ACTL8: variants seen among roughly 807,000 people sequenced by gnomAD.
The protein encoded by ACTL8 is actin-like protein 8.
In ACTL8, 3 loss-of-function variants were observed where a neutral mutation model predicts 9.3. That is an observed-to-expected ratio of 0.32 (90% CI 0.15 to 0.83). The LOEUF is 0.83. Ranked by LOEUF, ACTL8 falls within the 40% of genes least tolerant of loss-of-function variation. ACTL8 has a pLI of 0.57. For synonymous variants in ACTL8, 224 were observed against 205.9 expected, an observed-to-expected ratio of 1.09 and a Z score of -0.75; for missense variants, 381 against 492.2, an observed-to-expected ratio of 0.77 and a Z score of 2.14.
intron 1 of ACTL8, among the ~76,000 whole-genome samples, chr1:17,812,666 G>T (rs1353195425): frequency 6.7e-6 from 1 of 148,296 alleles, no homozygotes; most frequent in South Asian, 2.1e-4. Flanking sequence ...TCATGAACTT[G>T]TATTTTAGTA....
At position 17,823,456 on chromosome 1, in the gene ACTL8, T is replaced by C; in HGVS notation, c.348+100T>C. On this transcript the variant is annotated intron_variant, in intron 2 of 2. Transcript: ENST00000375406. The surrounding 1 kb of genome is among the most constrained non-coding windows in gnomAD (Gnocchi z 5.3). ...CAGGAATTCTGCTTTTTAAGATAAA[T>C]TGCCAACCAGGTGTGGTGGCTTATG... 2 of 1,216,326 alleles carry C rather than the reference T, an allele frequency of 1.6e-6. No individual in the cohort carries two copies. The highest frequency in any genetic ancestry group is 2.3e-6 in the Non-Finnish European group (2 of 887,810). The allele number at this position is 1,216,326 out of a possible 1,614,324, so 75.3% of individuals were successfully genotyped here.
At chr1:17,785,716 CT>C (rs1444114232) in intron 1 of ACTL8, among the ~76,000 whole-genome samples, 1 of 152,150 alleles carries the variant, frequency 6.6e-6, no homozygotes, top group Non-Finnish European at 1.5e-5. Flanking sequence ...TTATTAGTAT[CT>C]TTTTTTCACT....
intron 1 of ACTL8, among the ~76,000 whole-genome samples, chr1:17,795,318 G>T (rs573860465): frequency 6.6e-6 from 1 of 152,184 alleles, no homozygotes; most frequent in Non-Finnish European, 1.5e-5. Context: ...TTTCAGGACC[G>T]GCCTAGCTTC....
intron 1 of ACTL8, among the ~76,000 whole-genome samples, chr1:17,776,290 A>G (rs1475930085): frequency 6.6e-6 from 1 of 152,172 alleles, no homozygotes; most frequent in Non-Finnish European, 1.5e-5. Flanking sequence ...GAGAGGACCT[A>G]GAAGACAGTC....
At chr1:17,783,335 G>A (rs1376467300) in intron 1 of ACTL8, among the ~76,000 whole-genome samples, 1 of 139,204 alleles carries the variant, frequency 7.2e-6, no homozygotes, top group Non-Finnish European at 1.5e-5. Flanking sequence ...AAAAAGAGGA[G>A]TTTTTTTTTT....
At chr1:17,773,678 T>C (rs1055845263) in intron 1 of ACTL8, among the ~76,000 whole-genome samples, 26 of 152,166 alleles carry the variant, frequency 1.7e-4, no homozygotes, top group African/African-American at 5.6e-4. Context: ...GCTCTCCCCT[T>C]AGCTGTGTGA....
At chr1:17,804,981 C>T (rs546827447) in intron 1 of ACTL8, among the ~76,000 whole-genome samples, 1 of 152,182 alleles carries the variant, frequency 6.6e-6, no homozygotes, top group South Asian at 2.1e-4. Flanking sequence ...CAGACGGGAC[C>T]CACCTCCTCT....
In ACTL8 at chr1:17,823,504, AC is replaced by A; in HGVS notation, c.348+149del. ...ATGCCTGTAATCCCAACACTTTGGG[AC>A]TCCCAGGCAGGCAGATTGCTTGAGC... On this transcript the variant is annotated intron_variant, in intron 2 of 2. Transcript: ENST00000375406. The surrounding 1 kb of genome is among the most constrained non-coding windows in gnomAD (Gnocchi z 5.3). 1 of 768,292 alleles carries A rather than the reference AC, an allele frequency of 1.3e-6. No homozygotes were observed. The highest frequency in any genetic ancestry group is 2.0e-6 in the Non-Finnish European group (1 of 492,142). 47.6% of individuals were successfully genotyped at this position (768,292 alleles called of 1,614,324 possible).
At chr1:17,788,567 A>C (rs966729073) in intron 1 of ACTL8, among the ~76,000 whole-genome samples, 4 of 152,262 alleles carry the variant, frequency 2.6e-5, no homozygotes, top group Non-Finnish European at 5.9e-5. Flanking sequence ...CCAAGTTTGC[A>C]TGCTTCAAGG....
chr1:17,758,287 G>T (rs978570915), intron 1 of ACTL8, among the ~76,000 whole-genome samples: 1 of 152,246 alleles, frequency 6.6e-6, no homozygotes. Context: ...TGGGAAGGCA[G>T]AATGCCTTTG....
At chr1:17,798,321 C>G (rs1261930270) in intron 1 of ACTL8, among the ~76,000 whole-genome samples, 1 of 152,038 alleles carries the variant, frequency 6.6e-6, no homozygotes, top group Admixed American at 6.5e-5. Flanking sequence ...GGGAGCTAGA[C>G]CAGCAAATGC....
At chr1:17,765,456 A>G (rs373002296) in intron 1 of ACTL8, among the ~76,000 whole-genome samples, 6 of 152,152 alleles carry the variant, frequency 3.9e-5, no homozygotes, top group African/African-American at 1.4e-4. Context: ...GACACTCGCA[A>G]TAACCATATG....
At chr1:17,789,895 C>T (rs2066225484) in intron 1 of ACTL8, among the ~76,000 whole-genome samples, 1 of 152,208 alleles carries the variant, frequency 6.6e-6, no homozygotes, top group African/African-American at 2.4e-5. Context: ...CTGAGTTTTG[C>T]TTAGGCCTGC....
intron 1 of ACTL8, among the ~76,000 whole-genome samples, chr1:17,798,044 A>G (rs1277228738): frequency 1.3e-5 from 2 of 151,070 alleles, no homozygotes; most frequent in Non-Finnish European, 2.9e-5. Context: ...GAGTAGATTG[A>G]CAATCTGTGT....
rs755378719 is a variant in ACTL8, at chr1:17,825,998, G to A, written c.580G>A (p.Asp194Asn). 49 of 1,607,878 alleles carry A rather than the reference G, an allele frequency of 3.0e-5. No individual in the cohort carries two copies. The highest frequency in any genetic ancestry group is 3.4e-5 in the Non-Finnish European group (40 of 1,179,998). ...CAAGAGTCTCTTTAAGGAAGATTGC[G>A]ATAGACGCTGCCTGTTTCAGCTGGA... ...LLKSLFKEDC[D>N]RRCLFQLETV... The change falls in exon 3 of 3, where the codon GAT becomes AAT. Residue 194 changes from aspartate to asparagine, a missense_variant. Asp to Asn is a conservative substitution (Grantham distance 23). Coordinates refer to ENST00000375406, the MANE Select transcript of ACTL8 (RefSeq NM_030812.3).
At chr1:17,814,816 GT>G (rs1158326167) in intron 1 of ACTL8, among the ~76,000 whole-genome samples, 1 of 152,074 alleles carries the variant, frequency 6.6e-6, no homozygotes, top group Non-Finnish European at 1.5e-5. Flanking sequence ...TGCCGTACCG[GT>G]TTGTAGCATA....
In ACTL8 at chr1:17,822,989, C is replaced by T; in HGVS notation, c.-20C>T. On this transcript the variant is annotated 5_prime_UTR_variant, in exon 2 of 3. Transcript: ENST00000375406. ...CCCCATCCTTTGCTTCCGCAGGTCCCACCCACCTCTGCCTCCGCCATGGCT... is the reference window on the plus strand; with the variant it reads ...CCCCATCCTTTGCTTCCGCAGGTCCTACCCACCTCTGCCTCCGCCATGGCT... The T allele has an allele frequency of 1.2e-6, 2 of 1,604,852 alleles. No homozygotes were observed. Among genetic ancestry groups the T allele is most frequent in the Non-Finnish European group, 1.7e-6 (2 of 1,175,010 alleles).
At chr1:17,776,942 G>A (rs914157689) in intron 1 of ACTL8, among the ~76,000 whole-genome samples, 1 of 144,914 alleles carries the variant, frequency 6.9e-6, no homozygotes, top group Non-Finnish European at 1.5e-5. Context: ...TGGGACTATA[G>A]GCATCCACCA....
chr1:17,764,810 T>G (rs1052858225), intron 1 of ACTL8, among the ~76,000 whole-genome samples: 2 of 152,224 alleles, frequency 1.3e-5, no homozygotes, highest in African/African-American at 2.4e-5. Flanking sequence ...GAAACTGATG[T>G]GTTAACAGGC....
Sources: allele counts gnomAD v4.1 joint callset (sites outside exome capture counted in the v4.1 genomes callset), GRCh38; gene constraint gnomAD v4.1.1; non-coding constraint Gnocchi (gnomAD v3.1); transcripts MANE v1.5; gene names NCBI Gene and HGNC (gene_info 2026-07-23, HGNC 2026-07-21).